Variants in DOCK8 observed in about 807,000 individuals in gnomAD.
DOCK8 encodes the protein dedicator of cytokinesis protein 8.
A neutral mutation model predicts 245.6 loss-of-function variants in DOCK8; 141 were observed. The ratio of observed to expected loss-of-function variants is 0.57; its 90% CI spans 0.50 to 0.66. The LOEUF is 0.66. DOCK8 is among the 30% of genes least tolerant of loss of function. The pLI, the probability that DOCK8 is intolerant of heterozygous loss-of-function variation, is 0.00. For synonymous variants in DOCK8, 1,168 were observed against 970.2 expected (o/e 1.20, Z -3.79); for missense variants, 2,965 against 2,603.4 (o/e 1.14, Z -3.02).
rs76532478 is a variant in DOCK8, at chr9:387,839, A to G, written c.2874+1413A>G. Among the ~76,000 whole-genome samples the G allele has an allele frequency of 2.5e-3, 388 of 152,372 alleles. 1 individual carries two copies. Among genetic ancestry groups the G allele is most frequent in the African/African-American group, 9.0e-3 (374 of 41,592 alleles). On this transcript the variant is annotated intron_variant, in intron 23 of 47. Coordinates refer to ENST00000432829, the MANE Select transcript of DOCK8 (RefSeq NM_203447.4). Reference sequence around the variant, plus strand: ...CTTTCTTAAAAACCATTATTTGCCTACAGCCTGACTTCTTTAACCCATGTC... The same window carrying G: ...CTTTCTTAAAAACCATTATTTGCCTGCAGCCTGACTTCTTTAACCCATGTC...
intron 2 of DOCK8, among the ~76,000 whole-genome samples, chr9:282,008 C>T (rs1322940398): frequency 3.3e-5 from 5 of 152,180 alleles, no homozygotes; most frequent in African/African-American, 1.2e-4. Context: ...TAGCTTCAGA[C>T]CTCGAGAGTT....
intron 1 of DOCK8, among the ~76,000 whole-genome samples, chr9:237,246 A>G (rs2047274027): frequency 6.6e-6 from 1 of 152,272 alleles, no homozygotes; most frequent in Non-Finnish European, 1.5e-5. Flanking sequence ...CAAAAGCCAA[A>G]CAAGTACAGC....
intron 2 of DOCK8, among the ~76,000 whole-genome samples, chr9:281,256 A>G (rs915988182): frequency 1.3e-4 from 20 of 152,304 alleles, no homozygotes; most frequent in African/African-American, 4.6e-4. Context: ...TCAAAAAAAA[A>G]AAAAGTAGTT....
chr9:240,618 A>G lies in DOCK8; in HGVS notation c.53+25589A>G, dbSNP rs894331860. Among the ~76,000 whole-genome samples, 8 of 152,140 alleles carry G rather than the reference A, an allele frequency of 5.3e-5. No homozygotes were observed. In the East Asian group the frequency reaches 5.8e-4, roughly 11 times the overall value. ...TTATTGCCAGAGCTACATGTTACTTATATTTAAGTCTGATATTTAATTCTC... is the reference window on the plus strand; with the variant it reads ...TTATTGCCAGAGCTACATGTTACTTGTATTTAAGTCTGATATTTAATTCTC... On this transcript the variant is annotated intron_variant, in intron 1 of 47. Coordinates refer to ENST00000432829, the MANE Select transcript of DOCK8 (RefSeq NM_203447.4).
chr9:424,643 C>G (rs565994332), intron 33 of DOCK8, among the ~76,000 whole-genome samples: 42 of 152,236 alleles, frequency 2.8e-4, no homozygotes, highest in African/African-American at 9.2e-4. Flanking sequence ...CTCCTGGGCT[C>G]AAGTGATCCA....
At chr9:312,411 G>A (rs1014044540) in intron 6 of DOCK8, 9 of 631,702 alleles carry the variant, frequency 1.4e-5, no homozygotes, top group Admixed American at 2.1e-5. Context: ...TACAAAATAT[G>A]TTCACTAAGA....
chr9:360,128 C>G (rs945059240), intron 14 of DOCK8, among the ~76,000 whole-genome samples: 9 of 151,876 alleles, frequency 5.9e-5, no homozygotes, highest in Non-Finnish European at 1.2e-4. Context: ...CCAGCCTGGC[C>G]AACATGGTGA....
intron 18 of DOCK8, among the ~76,000 whole-genome samples, chr9:374,765 C>G (rs1180270605): frequency 6.6e-6 from 1 of 151,666 alleles, no homozygotes; most frequent in Non-Finnish European, 1.5e-5. Context: ...CATGCCCGGC[C>G]CCTTTTTACT....
At chr9:355,154 A>T (rs1164428610) in intron 14 of DOCK8, among the ~76,000 whole-genome samples, 4 of 151,556 alleles carry the variant, frequency 2.6e-5, no homozygotes, top group Non-Finnish European at 5.9e-5. Flanking sequence ...GCCTCATGAA[A>T]AGTGTTCCCA....
intron 1 of DOCK8, among the ~76,000 whole-genome samples, chr9:251,122 A>G (rs1427980093): frequency 6.6e-6 from 1 of 152,170 alleles, no homozygotes; most frequent in Non-Finnish European, 1.5e-5. Context: ...CATGAATGCA[A>G]TTTCTGTTTC....
intron 4 of DOCK8, among the ~76,000 whole-genome samples, chr9:296,580 A>G (rs2049267687): frequency 6.6e-6 from 1 of 152,090 alleles, no homozygotes; most frequent in Admixed American, 6.6e-5. Context: ...TCCATATTTT[A>G]CTCCCAGTGA....
intron 1 of DOCK8, among the ~76,000 whole-genome samples, chr9:229,058 A>C (rs2047048651): frequency 6.6e-6 from 1 of 152,178 alleles, no homozygotes; most frequent in Admixed American, 6.5e-5. Flanking sequence ...TTAAGTCTAG[A>C]ACTCTCCAAC....
chr9:363,294 A>G lies in DOCK8; in HGVS notation c.1680-4724A>G, dbSNP rs1278829150. Among the ~76,000 whole-genome samples, 2 of 152,256 alleles carry G rather than the reference A, an allele frequency of 1.3e-5. 1 individual carries two copies. Among genetic ancestry groups the G allele is most frequent in the African/African-American group, 4.8e-5 (2 of 41,470 alleles). On this transcript the variant is annotated intron_variant, in intron 14 of 47. Transcript: ENST00000432829. ...AGAAAACTTTCAAAATAACTTTGCC[A>G]TAACAAGTGGCAAATTATTAAGGTC...
At chr9:367,042 C>T (rs549615180) in intron 14 of DOCK8, among the ~76,000 whole-genome samples, 8 of 152,328 alleles carry the variant, frequency 5.3e-5, no homozygotes, top group African/African-American at 1.9e-4. Context: ...TATTACCTAA[C>T]ATCTCTGTAT....
chr9:214,649 C>G (rs376519566), upstream of DOCK8: 7 of 1,609,410 alleles, frequency 4.3e-6, no homozygotes, highest in East Asian at 1.1e-4. Context: ...TCCGCCCGCG[C>G]TCCCTTCGGC....
At chr9:311,170 A>G (rs953042260) in intron 5 of DOCK8, among the ~76,000 whole-genome samples, 1 of 152,002 alleles carries the variant, frequency 6.6e-6, no homozygotes, top group Non-Finnish European at 1.5e-5. Context: ...CTGTAGTCCC[A>G]TCTGCTAGGG....
intron 1 of DOCK8, among the ~76,000 whole-genome samples, chr9:255,715 A>G (rs1190042079): frequency 6.6e-6 from 1 of 151,188 alleles, no homozygotes; most frequent in African/African-American, 2.4e-5. Context: ...ACTTTACCGT[A>G]CATAACTTTA....
chr9:258,751 C>T (rs2047842343), intron 1 of DOCK8, among the ~76,000 whole-genome samples: 1 of 151,860 alleles, frequency 6.6e-6, no homozygotes, highest in Admixed American at 6.6e-5. Flanking sequence ...ACATGTGCCA[C>T]CATGCCCGGA....
chr9:328,105 A>C lies in DOCK8; in HGVS notation c.978A>C (p.Ser326=), dbSNP rs1334393741. The part of the protein sequence containing the change: ...LRAHTPSVAA[S]SQARSAVFSV... ...CTCACACGCCTTCAGTGGCCGCATC[A>C]AGTCAGGCGAGATCTGCAGTCTTCT... Residue 326 remains serine (S), a synonymous_variant, in exon 9 of 48, where the codon TCA becomes TCC. Coordinates refer to ENST00000432829, the MANE Select transcript of DOCK8 (RefSeq NM_203447.4). 8 of 1,614,214 alleles carry C rather than the reference A, an allele frequency of 5.0e-6. No homozygotes were observed. The highest frequency in any genetic ancestry group is 1.7e-5 in the Admixed American group (1 of 60,018).
Sources: allele counts gnomAD v4.1 joint callset (sites outside exome capture counted in the v4.1 genomes callset), GRCh38; gene constraint gnomAD v4.1.1; transcripts MANE v1.5; gene names NCBI Gene and HGNC (gene_info 2026-07-23, HGNC 2026-07-21).